WDR64: variants seen among roughly 807,000 people sequenced by gnomAD.
WDR64 encodes WD repeat-containing protein 64.
Under a neutral mutation model 139.3 loss-of-function variants are expected in WDR64, and 112 were observed. That is an observed-to-expected ratio of 0.80 (90% confidence interval 0.69 to 0.94). The LOEUF (loss-of-function observed/expected upper bound fraction) is 0.94, where lower values mean the gene tolerates loss of function less well. WDR64 is among the 40% of genes least tolerant of loss of function. The pLI is 0.00. For synonymous variants in WDR64, 444 were observed against 437.7 expected (o/e 1.01, Z -0.18); for missense variants, 1,206 against 1,293.1 (o/e 0.93, Z 1.03).
chr1:241,658,714 C>A (rs1665707126), intron 1 of WDR64, among the ~76,000 whole-genome samples: 1 of 151,556 alleles, frequency 6.6e-6, no homozygotes, highest in African/African-American at 2.4e-5. Flanking sequence ...ACCAAAGACT[C>A]CAATGGTGAA....
At chr1:241,683,774 A>T in intron 7 of WDR64, 73 bp downstream of exon 7, 1 of 1,222,810 alleles carries the variant, frequency 8.2e-7, no homozygotes, top group South Asian at 1.8e-5. Flanking sequence ...TATGGTACAA[A>T]GTGAAAAATG....
At chr1:241,786,538 C>T (rs115087314) in intron 23 of WDR64, among the ~76,000 whole-genome samples, 330 of 152,298 alleles carry the variant, frequency 2.2e-3, no homozygotes, top group African/African-American at 7.5e-3. Context: ...ATATGGATAA[C>T]GAGTCCCTTC....
chr1:241,661,155 T>TG (rs1417120307), intron 2 of WDR64, among the ~76,000 whole-genome samples: 1 of 150,812 alleles, frequency 6.6e-6, no homozygotes, highest in Non-Finnish European at 1.5e-5. Flanking sequence ...ATAAATTATC[T>TG]GGTTCTTTAA....
At chr1:241,769,353 AGC>A in intron 16 of WDR64, 49 bp from the exon 17 acceptor site, 1 of 1,402,924 alleles carries the variant, frequency 7.1e-7, no homozygotes, top group Non-Finnish European at 9.9e-7. Context: ...TAGTACTGTA[AGC>A]TCCATAATTT....
At position 241,691,485 on chromosome 1, in the gene WDR64, C is replaced by T. The variant is rs534675910; in HGVS notation, c.974+3890C>T. Among the ~76,000 whole-genome samples the T allele has an allele frequency of 3.9e-5, 6 of 152,180 alleles. No homozygotes were observed. The South Asian group carries it at 1.0e-3, about 26-fold the overall frequency. On this transcript the variant is annotated intron_variant, in intron 8 of 27. Coordinates refer to ENST00000437684, the MANE Select transcript of WDR64 (RefSeq NM_001367482.1). ...CAGGGATAGGGTAAGATATACCATG[C>T]TAACACTTATCAAAAGAAAACAGGA...
chr1:241,720,564 G>GT (rs1275020305), intron 9 of WDR64, among the ~76,000 whole-genome samples: 3 of 152,032 alleles, frequency 2.0e-5, no homozygotes, highest in Admixed American at 2.0e-4. Flanking sequence ...ACGATGTTGA[G>GT]TTTTTTTAAT....
Position 241,683,374 on chromosome 1 carries a change from G to A in WDR64, c.625-113G>A, listed in dbSNP as rs1447155508. Reference sequence around the variant, plus strand: ...TTTTCTCAAATTATCTTATAAGATAGGTGTATCTACAATAAGAAACAGCGG... The same window carrying A: ...TTTTCTCAAATTATCTTATAAGATAAGTGTATCTACAATAAGAAACAGCGG... On this transcript the variant is annotated intron_variant, in intron 6 of 27. Coordinates refer to ENST00000437684, the MANE Select transcript of WDR64 (RefSeq NM_001367482.1). The A allele has an allele frequency of 2.4e-5, 22 of 916,872 alleles. No homozygotes were observed. In the East Asian group the frequency reaches 5.8e-4, roughly 24 times the overall value. The allele number at this position is 916,872 out of a possible 1,614,324, so 56.8% of individuals were successfully genotyped here. A position where few individuals can be genotyped will look rare whatever the true frequency, so the allele number is the denominator to read the frequency against.
At chr1:241,728,208 C>T (rs1213517828) in intron 10 of WDR64, among the ~76,000 whole-genome samples, 1 of 152,190 alleles carries the variant, frequency 6.6e-6, no homozygotes, top group African/African-American at 2.4e-5. Context: ...TGGTAGGCAC[C>T]TGTAACCCCA....
intron 7 of WDR64, among the ~76,000 whole-genome samples, chr1:241,685,094 A>G (rs369479245): frequency 7.9e-5 from 12 of 151,886 alleles, no homozygotes; most frequent in African/African-American, 2.9e-4. Context: ...TCTAGTGTCC[A>G]ATAAAAGGGG....
At chr1:241,726,209 T>C (rs1022728696) in intron 10 of WDR64, among the ~76,000 whole-genome samples, 18 of 152,048 alleles carry the variant, frequency 1.2e-4, no homozygotes, top group African/African-American at 4.3e-4. Context: ...ATATTGATTA[T>C]ATATTGAGGT....
At position 241,769,412 on chromosome 1, in the gene WDR64, C is replaced by G; in HGVS notation, c.2090C>G (p.Pro697Arg). 1 of 1,551,258 alleles carries G rather than the reference C, an allele frequency of 6.4e-7. No homozygotes were observed. Among genetic ancestry groups the G allele is most frequent in the Middle Eastern group, 1.7e-4 (1 of 5,988 alleles). The change falls in exon 17 of 28, where the codon CCT becomes CGT. Residue 697 changes from proline (P) to arginine (R), a missense_variant. Coordinates refer to ENST00000437684, the MANE Select transcript of WDR64 (RefSeq NM_001367482.1). ...TGTATACTTACTTCTAGGTACCGAC[C>G]TGAAGATTGCTTCACTGTAAACCCT... The part of the protein sequence containing the change: ...VTSTVKKVYR[P>R]EDCFTVNPDL...
chr1:241,765,187 GA>G (rs61516761), intron 15 of WDR64, among the ~76,000 whole-genome samples: 108,128 of 146,824 alleles, frequency 0.74, 39,921 homozygotes, highest in Non-Finnish European at 0.8. Context: ...ATCTGTCTCT[GA>G]AAAAAAAAAA....
intron 8 of WDR64, among the ~76,000 whole-genome samples, chr1:241,688,868 T>C (rs1349328680): frequency 1.3e-5 from 2 of 152,160 alleles, no homozygotes; most frequent in African/African-American, 2.4e-5. Flanking sequence ...AACAGATTCT[T>C]AAAGTGAGTA....
At chr1:241,710,929 AAAG>A (rs141661858) in intron 8 of WDR64, among the ~76,000 whole-genome samples, 1,614 of 152,324 alleles carry the variant, frequency 0.011, 25 homozygotes, top group African/African-American at 0.036. Context: ...GGGAATGAGG[AAAG>A]AAGAATGGGC....
chr1:241,656,466 T>C lies in WDR64; in HGVS notation c.145+3837T>C, dbSNP rs550772439. Among the ~76,000 whole-genome samples the C allele has an allele frequency of 6.6e-6, 1 of 152,348 alleles. No homozygotes were observed. The highest frequency in any genetic ancestry group is 2.4e-5 in the African/African-American group (1 of 41,590). On this transcript the variant is annotated intron_variant, in intron 1 of 27. Coordinates refer to ENST00000437684, the MANE Select transcript of WDR64 (RefSeq NM_001367482.1). The surrounding 1 kb of genome is among the most constrained non-coding windows in gnomAD (Gnocchi z 4.3). ...AGTGATATTTACAATGAAACTCATATCTTGTAGCAGTTGGTGTAAATAAAT... is the reference window on the plus strand; with the variant it reads ...AGTGATATTTACAATGAAACTCATACCTTGTAGCAGTTGGTGTAAATAAAT...
chr1:241,740,284 A>G (rs1341609672), intron 11 of WDR64, among the ~76,000 whole-genome samples: 3 of 152,220 alleles, frequency 2.0e-5, no homozygotes, highest in Non-Finnish European at 4.4e-5. Flanking sequence ...AGATTTGTTG[A>G]CGTCCATTCT....
At chr1:241,657,191 A>G (rs1234955368) in intron 1 of WDR64, among the ~76,000 whole-genome samples, 1 of 152,206 alleles carries the variant, frequency 6.6e-6, no homozygotes, top group South Asian at 2.1e-4. Context: ...GAGACTTTCC[A>G]TGGCAGCCCA....
intron 24 of WDR64, among the ~76,000 whole-genome samples, chr1:241,789,941 A>G (rs1315183465): frequency 6.6e-6 from 1 of 152,206 alleles, no homozygotes; most frequent in East Asian, 1.9e-4. Context: ...AGTTTTGACT[A>G]TAAGGGAAGC....
chr1:241,679,581 C>T lies in WDR64; in HGVS notation c.610C>T (p.Gln204Ter). Reference sequence around the variant, plus strand: ...CATTATTGTCTGGGATTATAAAGCTCAAGGGAGCAGCCAGGTATTGTGCCA... The same window carrying T: ...CATTATTGTCTGGGATTATAAAGCTTAAGGGAGCAGCCAGGTATTGTGCCA... ...RTIIVWDYKA[Q>*]GSSQENYFVI... The change falls in exon 6 of 28, where the codon CAA becomes TAA. Residue 204 changes from glutamine (Q) to a stop codon, truncating the protein, a stop_gained. Transcript: ENST00000437684. LOFTEE classifies it high-confidence loss of function. The T allele has an allele frequency of 6.4e-7, 1 of 1,551,568 alleles. No homozygotes were observed. Among genetic ancestry groups the T allele is most frequent in the Non-Finnish European group, 8.7e-7 (1 of 1,146,854 alleles).
Sources: gnomAD v4.1 joint callset for allele counts (sites outside exome capture counted in the v4.1 genomes callset) on GRCh38, gnomAD v4.1.1 for gene constraint, Gnocchi (gnomAD v3.1) non-coding constraint, MANE v1.5 for transcripts, NCBI Gene and HGNC (gene_info 2026-07-23, HGNC 2026-07-21) for gene names.